Variants in NCOR2 observed in about 807,000 individuals in gnomAD.
NCOR2 encodes the protein nuclear receptor corepressor 2, also known as CTG repeat protein 26.
A neutral mutation model predicts 262.9 loss-of-function variants in NCOR2; 81 were observed. That is an observed-to-expected ratio of 0.31 (90% CI 0.26 to 0.37). The LOEUF is 0.37. Among genes scored for constraint, NCOR2 ranks in the 10% least tolerant of loss-of-function variants. The pLI, the probability that NCOR2 is intolerant of heterozygous loss-of-function variation, is 1.00. For synonymous variants in NCOR2, 1,659 were observed against 1,559.3 expected, an observed-to-expected ratio of 1.06 and a Z score of -1.51; for missense variants, 3,385 against 3,621.4, an observed-to-expected ratio of 0.93 and a Z score of 1.68.
At chr12:124,493,269 G>A (rs2048193743) in intron 1 of NCOR2, among the ~76,000 whole-genome samples, 1 of 152,140 alleles carries the variant, frequency 6.6e-6, no homozygotes, top group Non-Finnish European at 1.5e-5. Context: ...TGAGAAGAGT[G>A]GGAACCTCCA....
chr12:124,553,209 C>T (rs1181829563), intron 1 of NCOR2, among the ~76,000 whole-genome samples: 1 of 152,206 alleles, frequency 6.6e-6, no homozygotes, highest in African/African-American at 2.4e-5. Context: ...CTCTGACCTC[C>T]TGCCTCCTTC....
chr12:124,566,738 AG>A lies in NCOR2; in HGVS notation c.-165+569del, dbSNP rs909347541. Among the ~76,000 whole-genome samples the A allele has an allele frequency of 2.3e-4, 35 of 152,122 alleles. No homozygotes were observed. The highest frequency in any genetic ancestry group is 8.0e-4 in the African/African-American group (33 of 41,434). On this transcript the variant is annotated intron_variant, in intron 1 of 32. Transcript: ENST00000458234. The surrounding 1 kb of genome is among the most constrained non-coding windows in gnomAD (Gnocchi z 4.3). The stretch of plus-strand genomic sequence containing the variant: ...CACCGGCCCGCGGGGGAGGGGGACC[AG>A]GGGCGACTCTCCCGAGGGACCCCGC...
intron 1 of NCOR2, among the ~76,000 whole-genome samples, chr12:124,543,814 C>T (rs964895446): frequency 6.6e-6 from 1 of 152,220 alleles, no homozygotes; most frequent in Non-Finnish European, 1.5e-5. Flanking sequence ...CGCGGCAGCA[C>T]GGAAAGGCCA....
intron 17 of NCOR2, among the ~76,000 whole-genome samples, chr12:124,379,582 C>T (rs974222108): frequency 1.3e-5 from 2 of 152,152 alleles, no homozygotes; most frequent in African/African-American, 4.8e-5. Flanking sequence ...GACGGGGGGG[C>T]GGCAGCCTGA....
At chr12:124,495,352 C>T (rs2048324094), upstream of NCOR2, 4 of 1,451,456 alleles carry the variant, frequency 2.8e-6, no homozygotes, top group Non-Finnish European at 3.6e-6. This position sits in a 1 kb window ranked among gnomAD's most constrained non-coding sequence, Gnocchi z 4.4. Flanking sequence ...GCTCACGGGC[C>T]ACCCCGTCAC....
At position 124,378,720 on chromosome 12, in the gene NCOR2, T is replaced by C. The variant is rs1404986186; in HGVS notation, c.2020-336A>G. Among the ~76,000 whole-genome samples the C allele has an allele frequency of 6.6e-6, 1 of 152,200 alleles. No individual in the cohort carries two copies. Among genetic ancestry groups the C allele is most frequent in the Non-Finnish European group, 1.5e-5 (1 of 68,040 alleles). ...GTGACCACGCCTCCTGGGGACACCCTGTCAGCTTCATCGGCACACGTGGAG... is the reference window on the plus strand; with the variant it reads ...GTGACCACGCCTCCTGGGGACACCCCGTCAGCTTCATCGGCACACGTGGAG... On this transcript the variant is annotated intron_variant, in intron 17 of 46. Transcript: ENST00000405201. The surrounding 1 kb of genome is among the most constrained non-coding windows in gnomAD (Gnocchi z 4.2).
chr12:124,475,657 C>CTGGAAA (rs2136718183), intron 3 of NCOR2, among the ~76,000 whole-genome samples: 1 of 152,352 alleles, frequency 6.6e-6, no homozygotes, highest in East Asian at 1.9e-4. Flanking sequence ...TTGGAGCTTG[C>CTGGAAA]TGGAGTTTGC....
chr12:124,346,135 A>G (rs1481696482), intron 31 of NCOR2, among the ~76,000 whole-genome samples: 2 of 152,140 alleles, frequency 1.3e-5, no homozygotes, highest in East Asian at 1.9e-4. Context: ...CTGAACCTCA[A>G]TTTACTCAGC....
At chr12:124,489,363 G>A (rs1236681334) in intron 1 of NCOR2, among the ~76,000 whole-genome samples, 2 of 152,290 alleles carry the variant, frequency 1.3e-5, no homozygotes, top group East Asian at 1.9e-4. Flanking sequence ...CTGTGAGGTG[G>A]GTATTACAAG....
chr12:124,410,132 G>A (rs554333416), intron 13 of NCOR2, among the ~76,000 whole-genome samples: 9 of 150,636 alleles, frequency 6.0e-5, no homozygotes, highest in Non-Finnish European at 1.3e-4. Flanking sequence ...CACCAAGGCT[G>A]CTGTTCTGGG....
chr12:124,354,998 A>C, intron 24 of NCOR2, 59 bp from the exon 27 acceptor site: 2 of 1,433,170 alleles, frequency 1.4e-6, no homozygotes, highest in Admixed American at 4.3e-5. Flanking sequence ...CACAGTCCAG[A>C]GTGCCTGACG....
intron 8 of NCOR2, 52 bp from the exon 11 acceptor site, chr12:124,430,839 C>T: frequency 6.5e-7 from 1 of 1,542,472 alleles, no homozygotes; most frequent in East Asian, 2.3e-5. Flanking sequence ...CTGGCACCCG[C>T]CGCCTCCCCC....
exon 27 of NCOR2, chr12:124,354,153 G>A: frequency 1.2e-6 from 2 of 1,609,850 alleles, no homozygotes; most frequent in South Asian, 1.1e-5. Flanking sequence ...TGCTGGGAAT[G>A]CCTTTGGTGA....
At chr12:124,420,098 G>A (rs1243147957) in intron 12 of NCOR2, 43 bp from the exon 15 acceptor site, 1 of 1,523,882 alleles carries the variant, frequency 6.6e-7, no homozygotes, top group Non-Finnish European at 9.0e-7. Context: ...GTACAGCACA[G>A]GCATTCAGGG....
At chr12:124,362,805 G>A (rs1417106800) in intron 21 of NCOR2, among the ~76,000 whole-genome samples, 3 of 149,768 alleles carry the variant, frequency 2.0e-5, no homozygotes, top group South Asian at 2.1e-4. Context: ...GCTGCCTGGT[G>A]GTGAACAGGG....
In NCOR2 at chr12:124,410,923, GAC is replaced by G. The variant is rs2042544203; in HGVS notation, c.1483-8364_1483-8363del. On this transcript the variant is annotated intron_variant, in intron 13 of 46. Coordinates refer to ENST00000405201, the Ensembl canonical transcript of NCOR2. The stretch of plus-strand genomic sequence containing the variant: ...GAGAGGACAGACGGAGGAGGCAGGG[GAC>G]AGGGGGCTGTAGTGGGAGGGAGGAG... 5.3e-5 allele frequency among the ~76,000 whole-genome samples: 8 copies of G among 152,040 alleles called. No individual in the cohort carries two copies. The South Asian group carries it at 1.7e-3, about 32-fold the overall frequency.
chr12:124,545,652 G>A lies in NCOR2; in HGVS notation c.-164-10041C>T, dbSNP rs143574416. On this transcript the variant is annotated intron_variant, in intron 1 of 32. Coordinates refer to the NCOR2 transcript ENST00000458234. ...AGGCGTTCAGAAGCCCAAGTGGCCCGGCTGGGGTCAGGGCCCTGAGTCAGA... is the reference window on the plus strand; with the variant it reads ...AGGCGTTCAGAAGCCCAAGTGGCCCAGCTGGGGTCAGGGCCCTGAGTCAGA... Among the ~76,000 whole-genome samples the A allele has an allele frequency of 3.3e-3, 510 of 152,326 alleles. 3 individuals carry two copies. The highest frequency in any genetic ancestry group is 7.4e-3 in the Admixed American group (113 of 15,304).
At position 124,517,645 on chromosome 12, in the gene NCOR2, C is replaced by T. The variant is rs539684096; in HGVS notation, c.-118+17920G>A. On this transcript the variant is annotated intron_variant, in intron 1 of 46. Transcript: ENST00000404621. This position sits in a 1 kb window ranked among gnomAD's most constrained non-coding sequence, Gnocchi z 7.6. Reference sequence around the variant, plus strand: ...TCACATGCCCTCCTGAAGTCAACTCCGGGAACAGAAGCCCCCTGAGCCCCC... The same window carrying T: ...TCACATGCCCTCCTGAAGTCAACTCTGGGAACAGAAGCCCCCTGAGCCCCC... Among the ~76,000 whole-genome samples, 95 of 152,336 alleles carry T rather than the reference C, an allele frequency of 6.2e-4. No individual in the cohort carries two copies. Among genetic ancestry groups the T allele is most frequent in the South Asian group, 1.9e-3 (9 of 4,832 alleles).
chr12:124,328,839 T>C lies in NCOR2; in HGVS notation c.6959-1206A>G, dbSNP rs1277118407. On this transcript the variant is annotated intron_variant, in intron 44 of 46. Transcript: ENST00000405201. ...AAAATCACGTTTCTGTAGCAACTGCTGGCTGCCTGCGTTTTCTTTTCCCTT... is the reference window on the plus strand; with the variant it reads ...AAAATCACGTTTCTGTAGCAACTGCCGGCTGCCTGCGTTTTCTTTTCCCTT... The C allele has an allele frequency of 2.1e-5, 5 of 242,492 alleles. No individual in the cohort carries two copies. In the East Asian group the frequency reaches 3.4e-4, roughly 16 times the overall value. 15.0% of individuals were successfully genotyped at this position (242,492 alleles called of 1,614,324 possible). A position where few individuals can be genotyped will look rare whatever the true frequency, so the allele number is the denominator to read the frequency against.
Sources: allele counts gnomAD v4.1 joint callset (sites outside exome capture counted in the v4.1 genomes callset), GRCh38; gene constraint gnomAD v4.1.1; non-coding constraint Gnocchi (gnomAD v3.1); transcripts MANE v1.5; gene names NCBI Gene and HGNC (gene_info 2026-07-23, HGNC 2026-07-21).